RBM47: variants seen among roughly 807,000 people sequenced by gnomAD.
The protein encoded by RBM47 is RNA-binding protein 47.
RBM47 carries 21 observed loss-of-function variants against 47.1 expected under a neutral mutation model. The observed-to-expected ratio is 0.45, with a 90% CI of 0.32 to 0.64. The LOEUF (loss-of-function observed/expected upper bound fraction) is 0.64. Among genes scored for constraint, RBM47 ranks in the 30% least tolerant of loss-of-function variants. The pLI is 0.05. For missense variants in RBM47, 708 were observed against 870.9 expected (o/e 0.81, Z 2.35); for synonymous variants, 375 against 361.7 (o/e 1.04, Z -0.42).
intron 1 of RBM47, among the ~76,000 whole-genome samples, chr4:40,617,508 A>T (rs1466499740): frequency 6.6e-6 from 1 of 151,992 alleles, no homozygotes; most frequent in Admixed American, 6.6e-5. Context: ...GCAGTGAGCC[A>T]AGATCGTGCC....
chr4:40,437,090 A>AAAAAAATATATATATATAT (rs1256296949), intron 4 of RBM47, among the ~76,000 whole-genome samples: 9 of 49,798 alleles, frequency 1.8e-4, no homozygotes, highest in African/African-American at 8.7e-4. Context: ...AAAAAAAAAA[A>AAAAAAATATATATATATAT]ATATATATAT....
chr4:40,609,553 T>A (rs1423888420), intron 1 of RBM47, among the ~76,000 whole-genome samples: 1 of 151,768 alleles, frequency 6.6e-6, no homozygotes, highest in African/African-American at 2.4e-5. Flanking sequence ...CCTCAAGTGA[T>A]CTGCCCGACT....
intron 1 of RBM47, among the ~76,000 whole-genome samples, chr4:40,609,176 T>C (rs1736029254): frequency 6.6e-6 from 1 of 151,964 alleles, no homozygotes; most frequent in Admixed American, 6.6e-5. Context: ...GTATTTTTAG[T>C]AGAAATGGGG....
intron 2 of RBM47, among the ~76,000 whole-genome samples, chr4:40,525,455 G>C (rs1726609090): frequency 6.6e-6 from 1 of 152,144 alleles, no homozygotes; most frequent in African/African-American, 2.4e-5. Context: ...AGAGATGCTG[G>C]TCTTTCATAT....
At chr4:40,528,886 T>C (rs1355484812) in intron 2 of RBM47, among the ~76,000 whole-genome samples, 1 of 151,446 alleles carries the variant, frequency 6.6e-6, no homozygotes, top group African/African-American at 2.4e-5. Flanking sequence ...GAGCTTGCAG[T>C]GAGCCGAGAT....
intron 2 of RBM47, among the ~76,000 whole-genome samples, chr4:40,479,446 T>A (rs893031220): frequency 3.3e-5 from 5 of 151,540 alleles, no homozygotes; most frequent in Non-Finnish European, 5.9e-5. Flanking sequence ...CTACAAATAA[T>A]AAAAAAATTA....
At chr4:40,464,695 C>T (rs1222490879) in intron 3 of RBM47, among the ~76,000 whole-genome samples, 1 of 151,020 alleles carries the variant, frequency 6.6e-6, no homozygotes, top group African/African-American at 2.4e-5. Context: ...GTCAGGAGAT[C>T]GAGACCACGG....
intron 2 of RBM47, among the ~76,000 whole-genome samples, chr4:40,534,196 GCTGAAGTGATT>G (rs1421267387): frequency 6.6e-6 from 1 of 151,574 alleles, no homozygotes; most frequent in African/African-American, 2.4e-5. Context: ...GAACTCGTGG[GCTGAAGTGATT>G]CTTCCACCTC....
intron 4 of RBM47, among the ~76,000 whole-genome samples, chr4:40,437,339 T>C (rs1712805949): frequency 6.6e-6 from 1 of 151,448 alleles, no homozygotes; most frequent in Non-Finnish European, 1.5e-5. Context: ...CCAGAACCTA[T>C]GTATCTTATT....
chr4:40,442,819 G>A (rs544273435), intron 3 of RBM47, among the ~76,000 whole-genome samples: 31 of 152,076 alleles, frequency 2.0e-4, no homozygotes, highest in Admixed American at 1.5e-3. Flanking sequence ...GACTACAGGC[G>A]CACACCACCA....
At chr4:40,561,030 G>A (rs765872497) in intron 1 of RBM47, among the ~76,000 whole-genome samples, 8 of 151,234 alleles carry the variant, frequency 5.3e-5, no homozygotes, top group Non-Finnish European at 1.2e-4. Context: ...TCTTAGCACT[G>A]CCTACGTGTC....
chr4:40,550,889 T>C lies in RBM47; in HGVS notation c.-239-6383A>G, dbSNP rs900895886. ...CAAAATCATTCTCTCTTTGAATAGA[T>C]GAAACTGTCAAGGAATGCAAAAAAA... On this transcript the variant is annotated intron_variant, in intron 1 of 6. Transcript: ENST00000295971. Among the ~76,000 whole-genome samples the C allele has an allele frequency of 1.5e-3, 223 of 151,570 alleles. 1 individual carries two copies. The highest frequency in any genetic ancestry group is 5.2e-3 in the African/African-American group (214 of 41,260).
chr4:40,438,439 C>T lies in RBM47; in HGVS notation c.455G>A (p.Arg152His), dbSNP rs1186393377. The change falls in exon 4 of 7, where the codon CGC (arginine) becomes CAC (histidine). Residue 152 changes from arginine to histidine, a missense_variant. By Grantham distance (29) the Arg-to-His change is conservative. Transcript: ENST00000295971. Reference sequence around the variant, plus strand: ...CTTGGGGATCCCGCCGATGAAGAGGCGGCAGTTGTCCACGCTGCAGCACAC... The same window carrying T: ...CTTGGGGATCCCGCCGATGAAGAGGTGGCAGTTGTCCACGCTGCAGCACAC... ...LGVCCSVDNC[R>H]LFIGGIPKMK... is the part of the protein sequence containing the mutation. 1 of 1,613,638 alleles carries T rather than the reference C, an allele frequency of 6.2e-7. No homozygotes were observed. Among genetic ancestry groups the T allele is most frequent in the Non-Finnish European group, 8.5e-7 (1 of 1,179,988 alleles).
intron 3 of RBM47, among the ~76,000 whole-genome samples, chr4:40,459,086 G>A (rs1716714566): frequency 6.6e-6 from 1 of 152,168 alleles, no homozygotes. Context: ...CTTCTATTAT[G>A]AAGTGATTTT....
intron 1 of RBM47, among the ~76,000 whole-genome samples, chr4:40,567,049 G>A (rs1432498267): frequency 6.6e-6 from 1 of 151,868 alleles, no homozygotes; most frequent in Non-Finnish European, 1.5e-5. Flanking sequence ...AAGGGACTTA[G>A]GGAGACTAGC....
At chr4:40,508,106 C>T (rs1724375863) in intron 2 of RBM47, among the ~76,000 whole-genome samples, 1 of 152,172 alleles carries the variant, frequency 6.6e-6, no homozygotes, top group Non-Finnish European at 1.5e-5. Flanking sequence ...AAACCTGAGC[C>T]TCAGAAATCG....
At chr4:40,488,440 C>G (rs1721425104) in intron 2 of RBM47, among the ~76,000 whole-genome samples, 1 of 152,056 alleles carries the variant, frequency 6.6e-6, no homozygotes, top group Non-Finnish European at 1.5e-5. Context: ...ACTTCCACCC[C>G]AAGCATGCCT....
chr4:40,499,968 G>A (rs1723120115), intron 2 of RBM47, among the ~76,000 whole-genome samples: 1 of 152,166 alleles, frequency 6.6e-6, no homozygotes, highest in Non-Finnish European at 1.5e-5. Flanking sequence ...TGTATTTGGG[G>A]TATCCCAAAG....
chr4:40,443,717 C>CAAAAAAAAAAAAAAAAAAAAAAAAAA (rs10581870), intron 3 of RBM47, among the ~76,000 whole-genome samples: 2 of 47,720 alleles, frequency 4.2e-5, no homozygotes, highest in African/African-American at 8.4e-5. Flanking sequence ...AACTCCTTCT[C>CAAAAAAAAAAAAAAAAAAAAAAAAAA]AAAAAAAAAA....
Sources: gnomAD v4.1 joint callset for allele counts (sites outside exome capture counted in the v4.1 genomes callset) on GRCh38, gnomAD v4.1.1 for gene constraint, MANE v1.5 for transcripts, NCBI Gene and HGNC (gene_info 2026-07-23, HGNC 2026-07-21) for gene names.